Variants in TMEM108 observed in about 807,000 individuals in gnomAD.
The protein encoded by TMEM108 is transmembrane protein 108, also known as cancer/testis antigen 124.
TMEM108 carries 12 observed loss-of-function variants against 35.1 expected under a neutral mutation model. The ratio of observed to expected loss-of-function variants is 0.34; its 90% confidence interval spans 0.22 to 0.55. The LOEUF is 0.55. Ranked by LOEUF, TMEM108 falls within the 20% of genes least tolerant of loss-of-function variation. TMEM108 has a pLI of 0.89. For synonymous variants in TMEM108, 287 were observed against 308.6 expected (o/e 0.93, Z 0.73); for missense variants, 680 against 753.3 (o/e 0.90, Z 1.14).
At chr3:133,181,032 A>C (rs990800466) in intron 2 of TMEM108, among the ~76,000 whole-genome samples, 45 of 142,428 alleles carry the variant, frequency 3.2e-4, no homozygotes, top group African/African-American at 8.1e-4. Context: ...AAAAAAAAAA[A>C]AAAAAACAGC....
intron 3 of TMEM108, among the ~76,000 whole-genome samples, chr3:133,253,885 A>G (rs975064816): frequency 3.3e-5 from 5 of 152,224 alleles, no homozygotes; most frequent in African/African-American, 7.2e-5. Context: ...AAAAGATAAC[A>G]TGCCTGATCT....
At chr3:133,185,703 C>T (rs1945408124) in intron 2 of TMEM108, among the ~76,000 whole-genome samples, 1 of 151,848 alleles carries the variant, frequency 6.6e-6, no homozygotes, top group Non-Finnish European at 1.5e-5. Context: ...AGAAAACTTG[C>T]ACCCAAGAAT....
chr3:133,182,316 A>G (rs2107805079), intron 2 of TMEM108, among the ~76,000 whole-genome samples: 1 of 152,314 alleles, frequency 6.6e-6, no homozygotes, highest in East Asian at 1.9e-4. Context: ...AGGAAAATAC[A>G]TTGGTTTGAT....
chr3:133,326,835 T>C (rs1208106208), intron 3 of TMEM108, among the ~76,000 whole-genome samples: 1 of 152,226 alleles, frequency 6.6e-6, no homozygotes, highest in Admixed American at 6.5e-5. Flanking sequence ...AGCCTCCTTA[T>C]CTGTGAAATA....
At chr3:133,334,561 G>T (rs1261011148) in intron 3 of TMEM108, among the ~76,000 whole-genome samples, 2 of 152,136 alleles carry the variant, frequency 1.3e-5, no homozygotes, top group African/African-American at 2.4e-5. Context: ...GATGGGGTTC[G>T]CAGGTTATGG....
At chr3:133,244,541 T>TA (rs1413973806) in intron 3 of TMEM108, among the ~76,000 whole-genome samples, 3 of 152,232 alleles carry the variant, frequency 2.0e-5, no homozygotes, top group African/African-American at 7.2e-5. Context: ...GCCCTGGATG[T>TA]AGTCCCATGG....
chr3:133,304,759 T>G (rs1398413423), intron 3 of TMEM108, among the ~76,000 whole-genome samples: 1 of 152,076 alleles, frequency 6.6e-6, no homozygotes, highest in Non-Finnish European at 1.5e-5. Flanking sequence ...GCAATGGAAA[T>G]TTGGATTGTG....
chr3:133,214,384 C>T (rs113203772), intron 2 of TMEM108, among the ~76,000 whole-genome samples: 2,289 of 152,254 alleles, frequency 0.015, 76 homozygotes, highest in African/African-American at 0.051. Context: ...CTTCTGTCCT[C>T]CCCGCCCCCA....
intron 3 of TMEM108, among the ~76,000 whole-genome samples, chr3:133,256,733 G>A (rs971197756): frequency 1.3e-5 from 2 of 152,152 alleles, no homozygotes; most frequent in African/African-American, 2.4e-5. Context: ...CCAAAGGAAG[G>A]CAATCAAGAA....
At chr3:133,221,702 A>G (rs1161778498) in intron 2 of TMEM108, among the ~76,000 whole-genome samples, 3 of 60,112 alleles carry the variant, frequency 5.0e-5, no homozygotes, top group Non-Finnish European at 7.1e-5. Context: ...TGGCTCCACT[A>G]TAGTATTTTG....
chr3:133,193,706 A>G (rs1362191469), intron 2 of TMEM108, among the ~76,000 whole-genome samples: 2 of 152,206 alleles, frequency 1.3e-5, no homozygotes, highest in Non-Finnish European at 2.9e-5. Flanking sequence ...TAGTACCCAG[A>G]TAAATGACAG....
chr3:133,357,380 A>G (rs147582746), intron 3 of TMEM108, among the ~76,000 whole-genome samples: 100 of 152,360 alleles, frequency 6.6e-4, no homozygotes, highest in Admixed American at 1.5e-3. Flanking sequence ...GATTCCTTAA[A>G]GAACTAAAAG....
chr3:133,168,733 C>G (rs1945082196), intron 2 of TMEM108, among the ~76,000 whole-genome samples: 2 of 152,330 alleles, frequency 1.3e-5, no homozygotes, highest in African/African-American at 4.8e-5. Flanking sequence ...CCCTTTCACA[C>G]TGTGGAAGCT....
chr3:133,281,884 T>G (rs559701976), intron 3 of TMEM108, among the ~76,000 whole-genome samples: 2 of 152,254 alleles, frequency 1.3e-5, no homozygotes, highest in South Asian at 2.1e-4. Flanking sequence ...CAGGCTGGGC[T>G]TGGTGGCTCA....
At chr3:133,360,815 A>G (rs1309496056) in intron 3 of TMEM108, among the ~76,000 whole-genome samples, 1 of 152,232 alleles carries the variant, frequency 6.6e-6, no homozygotes, top group Non-Finnish European at 1.5e-5. Context: ...GATTATCCCC[A>G]GTGGGCTATC....
chr3:133,144,058 G>A (rs1415207658), intron 2 of TMEM108, among the ~76,000 whole-genome samples: 2 of 151,522 alleles, frequency 1.3e-5, no homozygotes, highest in Non-Finnish European at 2.9e-5. Context: ...ATGCCATGGT[G>A]GTTTGCTGTA....
chr3:133,279,439 G>T (rs767609226), intron 3 of TMEM108, among the ~76,000 whole-genome samples: 1 of 152,176 alleles, frequency 6.6e-6, no homozygotes, highest in Admixed American at 6.5e-5. Context: ...CTTTGCTGCC[G>T]GAAGTGGCAG....
chr3:133,180,391 G>A (rs1412206506), intron 2 of TMEM108, among the ~76,000 whole-genome samples: 1 of 151,926 alleles, frequency 6.6e-6, no homozygotes, highest in African/African-American at 2.4e-5. Context: ...TCTGGAAGAA[G>A]GCCTCAAGTC....
At chr3:133,125,343 G>A (rs879257354) in intron 2 of TMEM108, among the ~76,000 whole-genome samples, 16 of 152,186 alleles carry the variant, frequency 1.1e-4, no homozygotes, top group Admixed American at 2.0e-4. Flanking sequence ...CTTTACTGCC[G>A]CATTAACAAG....
Sources: gnomAD v4.1 joint callset for allele counts (sites outside exome capture counted in the v4.1 genomes callset) on GRCh38, gnomAD v4.1.1 for gene constraint, MANE v1.5 for transcripts, NCBI Gene and HGNC (gene_info 2026-07-23, HGNC 2026-07-21) for gene names.